Variants in DNAH11 observed in about 807,000 individuals in gnomAD.
DNAH11 encodes dynein axonemal heavy chain 11, also known as axonemal beta dynein heavy chain 11.
DNAH11 carries 442 observed loss-of-function variants against 526.0 expected under a neutral mutation model. That is an observed-to-expected ratio of 0.84 (90% CI 0.78 to 0.91). The LOEUF is 0.91. Among genes scored for constraint, DNAH11 ranks in the 40% least tolerant of loss-of-function variants. The probability of loss-of-function intolerance (pLI) is 0.00; values close to 1 mark genes in which losing one functional copy is unlikely to be tolerated. For synonymous variants in DNAH11, 2,461 were observed against 1,935.9 expected (o/e 1.27, Z -7.12); for missense variants, 6,989 against 5,448.7 (o/e 1.28, Z -8.90).
intron 76 of DNAH11, among the ~76,000 whole-genome samples, chr7:21,886,822 A>T (rs183959156): frequency 1.3e-5 from 2 of 152,304 alleles, no homozygotes; most frequent in Non-Finnish European, 2.9e-5. Flanking sequence ...GCCCTTTAGA[A>T]ATTTAGGTAC....
chr7:21,897,534 C>T (rs997280083), intron 79 of DNAH11, among the ~76,000 whole-genome samples: 4 of 152,296 alleles, frequency 2.6e-5, no homozygotes, highest in African/African-American at 4.8e-5. Context: ...GTATTGATTA[C>T]TCTCTACCAA....
rs1465966017 is a variant in DNAH11 at position 21,842,684 on chromosome 7, G to T, written c.10832G>T (p.Gly3611Val). ...TLLNFTVTED[G>V]LEAQLLAEVV... ...CTCAATTTCACAGTCACAGAAGATG[G>T]TCTAGAAGCCCAGCTGCTGGCAGAG... The change falls in exon 66 of 82, where the codon GGT (glycine) becomes GTT (valine). Residue 3611 changes from glycine (G) to valine (V), a missense_variant. Physicochemically the swap from Gly to Val is moderately radical, Grantham distance 109 (BLOSUM62 -3). Coordinates refer to ENST00000409508, the MANE Select transcript of DNAH11 (RefSeq NM_001277115.2). 1 of 1,613,780 alleles carries T rather than the reference G, an allele frequency of 6.2e-7. No homozygotes were observed. Among genetic ancestry groups the T allele is most frequent in the Non-Finnish European group, 8.5e-7 (1 of 1,179,786 alleles).
chr7:21,747,380 C>T (rs1379669023), intron 51 of DNAH11, among the ~76,000 whole-genome samples: 2 of 152,128 alleles, frequency 1.3e-5, no homozygotes, highest in Non-Finnish European at 2.9e-5. Context: ...CTATTTAAAA[C>T]AATTTATGCA....
intron 72 of DNAH11, 132 bp from the exon 73 acceptor site, chr7:21,868,732 T>C: frequency 8.5e-7 from 1 of 1,175,478 alleles, no homozygotes; most frequent in Non-Finnish European, 1.2e-6. Flanking sequence ...AGAAGTTTCT[T>C]TGGGATTCTT....
rs1782659973 is a variant in DNAH11, at chr7:21,543,370, A to G, written c.125A>G (p.Glu42Gly). ...GAGCTCGAGGAGGAGGAGGAGAACGAGGAGGAGGCGGCGGCCAGGAGAGCG... is the reference window on the plus strand; with the variant it reads ...GAGCTCGAGGAGGAGGAGGAGAACGGGGAGGAGGCGGCGGCCAGGAGAGCG... Reference protein sequence around the residue: ...AVELEEEEENEEEAAARRARS... With the variant: ...AVELEEEEENGEEAAARRARS... Residue 42 changes from glutamate to glycine, a missense_variant, in exon 1 of 82, where the codon GAG becomes GGG. Glu to Gly is a moderately conservative substitution (Grantham distance 98, BLOSUM62 -2). Transcript: ENST00000409508. The G allele has an allele frequency of 3.9e-6, 6 of 1,551,444 alleles. No individual in the cohort carries two copies. Among genetic ancestry groups the G allele is most frequent in the African/African-American group, 1.4e-5 (1 of 73,070 alleles).
chr7:21,684,049 A>T, intron 32 of DNAH11, 105 bp downstream of exon 32: 1 of 1,205,090 alleles, frequency 8.3e-7, no homozygotes, highest in Non-Finnish European at 1.2e-6. Flanking sequence ...ACAATGAACT[A>T]TGTGAAAGTG....
intron 5 of DNAH11, among the ~76,000 whole-genome samples, chr7:21,562,041 G>T (rs895096883): frequency 4.6e-5 from 7 of 151,984 alleles, no homozygotes; most frequent in Non-Finnish European, 8.8e-5. Flanking sequence ...TACAGCAGGG[G>T]CTCTGTAAGA....
intron 42 of DNAH11, among the ~76,000 whole-genome samples, chr7:21,715,059 C>T (rs1377181342): frequency 6.6e-6 from 1 of 152,320 alleles, no homozygotes; most frequent in Non-Finnish European, 1.5e-5. Flanking sequence ...TATATGCTTA[C>T]AAACATGCAA....
chr7:21,724,922 C>T (rs1181226569), intron 44 of DNAH11, among the ~76,000 whole-genome samples: 1 of 152,074 alleles, frequency 6.6e-6, no homozygotes, highest in Non-Finnish European at 1.5e-5. Flanking sequence ...GTCACTGGGC[C>T]AGATCATCCT....
intron 65 of DNAH11, among the ~76,000 whole-genome samples, chr7:21,826,882 G>A (rs1790323701): frequency 6.6e-6 from 1 of 152,112 alleles, no homozygotes; most frequent in Non-Finnish European, 1.5e-5. Context: ...AGTTGTTGTT[G>A]TTGTTGTTGT....
intron 36 of DNAH11, among the ~76,000 whole-genome samples, chr7:21,700,491 A>C (rs1784010086): frequency 1.3e-5 from 2 of 152,186 alleles, no homozygotes; most frequent in Non-Finnish European, 2.9e-5. Flanking sequence ...CTGTGGTCCA[A>C]AATTTCTTCT....
chr7:21,559,088 C>G, intron 3 of DNAH11, 90 bp downstream of exon 3: 1 of 1,141,710 alleles, frequency 8.8e-7, no homozygotes, highest in Admixed American at 2.7e-5. Context: ...AATTTGGAGG[C>G]TGAGGTGGGA....
intron 63 of DNAH11, among the ~76,000 whole-genome samples, chr7:21,816,250 T>G (rs950671255): frequency 4.6e-5 from 7 of 152,186 alleles, no homozygotes; most frequent in Admixed American, 3.9e-4. Flanking sequence ...AAACCGATGT[T>G]GAATCCCACA....
At chr7:21,650,582 T>C (rs1476490832) in intron 28 of DNAH11, among the ~76,000 whole-genome samples, 2 of 151,274 alleles carry the variant, frequency 1.3e-5, no homozygotes, top group African/African-American at 2.4e-5. Context: ...CTTAACCATA[T>C]TGCATGCCTA....
chr7:21,797,135 G>C (rs2127991670), intron 61 of DNAH11, among the ~76,000 whole-genome samples: 1 of 152,108 alleles, frequency 6.6e-6, no homozygotes, highest in Admixed American at 6.5e-5. Flanking sequence ...ACAATATTAA[G>C]AGTCCCTCAG....
intron 35 of DNAH11, among the ~76,000 whole-genome samples, chr7:21,694,077 C>T (rs1229809408): frequency 6.6e-6 from 1 of 152,178 alleles, no homozygotes; most frequent in East Asian, 1.9e-4. Context: ...AGTCACCTTC[C>T]ACCAGGTCCC....
rs367800491 is a variant in DNAH11 at position 21,807,991 on chromosome 7, C to A, written c.10274C>A (p.Thr3425Lys). 13 of 1,595,608 alleles carry A rather than the reference C, an allele frequency of 8.1e-6. No individual in the cohort carries two copies. Among genetic ancestry groups the A allele is most frequent in the Non-Finnish European group, 1.1e-5 (13 of 1,168,242 alleles). ...TTTGTGTCTTACGTCGGACCCTTCACAAGGCAGTATCGCCAGGAGCTGGTG... is the reference window on the plus strand; with the variant it reads ...TTTGTGTCTTACGTCGGACCCTTCAAAAGGCAGTATCGCCAGGAGCTGGTG... ...AAFVSYVGPF[T>K]RQYRQELVHC... Residue 3425 changes from threonine (T) to lysine (K), a missense_variant, in exon 63 of 82, where the codon ACA (threonine) becomes AAA (lysine). Transcript: ENST00000409508.
At chr7:21,791,677 C>A (rs184856035) in intron 61 of DNAH11, among the ~76,000 whole-genome samples, 38 of 152,094 alleles carry the variant, frequency 2.5e-4, no homozygotes, top group Admixed American at 2.4e-3. Context: ...TCCATCATTC[C>A]CACCTATGAT....
At chr7:21,678,236 GT>G (rs199857777) in intron 30 of DNAH11, among the ~76,000 whole-genome samples, 1 of 150,118 alleles carries the variant, frequency 6.7e-6, no homozygotes, top group Non-Finnish European at 1.5e-5. Context: ...TTCATTTTGA[GT>G]TTTTTTTGTG....
Sources: gnomAD v4.1 joint callset for allele counts (sites outside exome capture counted in the v4.1 genomes callset) on GRCh38, gnomAD v4.1.1 for gene constraint, MANE v1.5 for transcripts, NCBI Gene and HGNC (gene_info 2026-07-23, HGNC 2026-07-21) for gene names.